Variants in FARP1 observed in about 807,000 individuals in gnomAD.
FARP1 encodes FERM, ARH/RhoGEF and pleckstrin domain protein 1.
Under a neutral mutation model 128.8 loss-of-function variants are expected in FARP1, and 52 were observed. The ratio of observed to expected loss-of-function variants is 0.40; its 90% CI spans 0.32 to 0.51. The LOEUF is 0.51. Among genes scored for constraint, FARP1 ranks in the 20% least tolerant of loss-of-function variants. FARP1 has a pLI of 0.45. For missense variants in FARP1, 1,333 were observed against 1,367.9 expected (o/e 0.97, Z 0.40); for synonymous variants, 580 against 551.8 (o/e 1.05, Z -0.72).
At chr13:98,447,123 G>T in intron 26 of FARP1, 1 of 314,108 alleles carries the variant, frequency 3.2e-6, no homozygotes, top group Non-Finnish European at 6.0e-6. Context: ...CTGCCTACAT[G>T]GTGTAATGGC....
At chr13:98,328,673 C>G (rs1262896851) in intron 2 of FARP1, 2 of 152,194 alleles carry the variant, frequency 1.3e-5, no homozygotes, top group South Asian at 4.1e-4. Flanking sequence ...TGACATACCC[C>G]AGTTGCCAGC....
At chr13:98,146,993 C>G (rs183381436) in intron 1 of FARP1, among the ~76,000 whole-genome samples, 1 of 152,270 alleles carries the variant, frequency 6.6e-6, no homozygotes, top group East Asian at 1.9e-4. Flanking sequence ...TCCACATGGC[C>G]AGGAAGATCA....
intron 3 of FARP1, among the ~76,000 whole-genome samples, chr13:98,362,692 A>G (rs1389050980): frequency 3.9e-5 from 6 of 152,182 alleles, no homozygotes; most frequent in Admixed American, 3.3e-4. Flanking sequence ...TCTGAGCTCC[A>G]GATGAATGTG....
intron 19 of FARP1, chr13:98,436,008 A>T (rs1167874648): frequency 8.3e-6 from 3 of 360,882 alleles, no homozygotes; most frequent in Non-Finnish European, 1.7e-5. Context: ...TATTTTTTTT[A>T]AATGTACATA....
intron 24 of FARP1, among the ~76,000 whole-genome samples, chr13:98,441,880 G>C (rs1892539544): frequency 6.6e-6 from 1 of 152,170 alleles, no homozygotes. Context: ...CTGAAAGTTG[G>C]CTTTGAAGAT....
chr13:98,265,866 T>G (rs550525651), intron 2 of FARP1, among the ~76,000 whole-genome samples: 1 of 152,276 alleles, frequency 6.6e-6, no homozygotes, highest in South Asian at 2.1e-4. Context: ...GCAGCTGATA[T>G]AAGTGCCACC....
At chr13:98,183,697 C>T (rs941441792) in intron 1 of FARP1, among the ~76,000 whole-genome samples, 1 of 152,146 alleles carries the variant, frequency 6.6e-6, no homozygotes, top group African/African-American at 2.4e-5. Context: ...TGAGGCCGAG[C>T]TGTTTGCCGC....
chr13:98,411,827 T>A (rs1891203617), intron 15 of FARP1, 74 bp from the exon 16 acceptor site: 4 of 1,535,174 alleles, frequency 2.6e-6, no homozygotes, highest in Non-Finnish European at 3.6e-6. Context: ...TGGCTGCATG[T>A]GACTTCTGGA....
chr13:98,170,578 T>A (rs1271073896), intron 1 of FARP1, among the ~76,000 whole-genome samples: 1 of 151,896 alleles, frequency 6.6e-6, no homozygotes, highest in Admixed American at 6.6e-5. Context: ...GGATGGTCTC[T>A]ATCTCCTGAC....
chr13:98,370,906 A>G (rs1889297228), intron 5 of FARP1, among the ~76,000 whole-genome samples: 2 of 152,260 alleles, frequency 1.3e-5, no homozygotes, highest in Admixed American at 6.5e-5. Flanking sequence ...AGCTACCTGC[A>G]TAGGAGGGAC....
At chr13:98,308,780 C>CAG (rs1886307291) in intron 2 of FARP1, among the ~76,000 whole-genome samples, 1 of 151,578 alleles carries the variant, frequency 6.6e-6, no homozygotes, top group Non-Finnish European at 1.5e-5. Context: ...GTGATCCTCC[C>CAG]GCTGCAGCCT....
chr13:98,309,177 TTTTTTTG>T, intron 2 of FARP1, among the ~76,000 whole-genome samples: 2 of 103,788 alleles, frequency 1.9e-5, no homozygotes, highest in African/African-American at 9.5e-5. Flanking sequence ...TTTTTTTTTT[TTTTTTTG>T]GAGACGGAGT....
chr13:98,343,190 G>A (rs1309054820), intron 2 of FARP1, among the ~76,000 whole-genome samples: 1 of 151,388 alleles, frequency 6.6e-6, no homozygotes, highest in Non-Finnish European at 1.5e-5. Context: ...CCAGGGATTA[G>A]GAGGGAGGGA....
At chr13:98,299,539 TA>T (rs1445136930) in intron 2 of FARP1, among the ~76,000 whole-genome samples, 8 of 152,212 alleles carry the variant, frequency 5.3e-5, no homozygotes, top group African/African-American at 1.9e-4. Flanking sequence ...TGTGTGGAGT[TA>T]TGCTCCTGGG....
intron 1 of FARP1, among the ~76,000 whole-genome samples, chr13:98,207,679 G>A (rs186504942): frequency 9.2e-5 from 14 of 151,982 alleles, no homozygotes; most frequent in African/African-American, 3.1e-4. Flanking sequence ...AGAAGGGGTG[G>A]GGTGGGGGAG....
chr13:98,360,686 T>C (rs1338435130), intron 3 of FARP1, among the ~76,000 whole-genome samples: 5 of 152,178 alleles, frequency 3.3e-5, no homozygotes, highest in African/African-American at 7.2e-5. Flanking sequence ...ACAGTAGGCC[T>C]TCAAACCCTG....
chr13:98,395,725 C>T (rs2140073519), intron 13 of FARP1: 2 of 432,312 alleles, frequency 4.6e-6, no homozygotes, highest in South Asian at 8.4e-5. Context: ...GTCCTCCCGG[C>T]CTCCTTCCGG....
chr13:98,323,877 A>C (rs555721401), intron 2 of FARP1, among the ~76,000 whole-genome samples: 1 of 152,318 alleles, frequency 6.6e-6, no homozygotes, highest in African/African-American at 2.4e-5. Context: ...TTGAGTGTCA[A>C]CAATTTTTTT....
intron 2 of FARP1, among the ~76,000 whole-genome samples, chr13:98,215,870 A>C (rs756055552): frequency 6.6e-6 from 1 of 151,572 alleles, no homozygotes; most frequent in African/African-American, 2.4e-5. Context: ...AGCTCATTGC[A>C]AACTCCTCCA....
Sources: gnomAD v4.1 joint callset for allele counts (sites outside exome capture counted in the v4.1 genomes callset) on GRCh38, gnomAD v4.1.1 for gene constraint, MANE v1.5 for transcripts, NCBI Gene and HGNC (gene_info 2026-07-23, HGNC 2026-07-21) for gene names.